LRRN2: variants seen among roughly 807,000 people sequenced by gnomAD.
The protein encoded by LRRN2 is leucine-rich repeat neuronal protein 2.
LRRN2 carries 10 observed loss-of-function variants against 35.7 expected under a neutral mutation model. That is an observed-to-expected ratio of 0.28 (90% CI 0.17 to 0.47). LRRN2 has a LOEUF of 0.47. Among genes scored for constraint, LRRN2 ranks in the 20% least tolerant of loss-of-function variants. The pLI, the probability that LRRN2 is intolerant of heterozygous loss-of-function variation, is 0.99. For synonymous variants in LRRN2, 391 were observed against 409.6 expected, an observed-to-expected ratio of 0.95 and a Z score of 0.55; for missense variants, 731 against 940.3, an observed-to-expected ratio of 0.78 and a Z score of 2.91.
At chr1:204,626,464 G>A (rs61817485) in intron 1 of LRRN2, among the ~76,000 whole-genome samples, 46,749 of 151,464 alleles carry the variant, frequency 0.31, 7,979 homozygotes, top group East Asian at 0.55. Flanking sequence ...TGTGCCTGCC[G>A]TGCCCTTTCC....
In LRRN2 at chr1:204,618,943, C is replaced by G; in HGVS notation, c.1050G>C (p.Leu350Phe). 1 of 1,614,124 alleles carries G rather than the reference C, an allele frequency of 6.2e-7. No individual in the cohort carries two copies. Among genetic ancestry groups the G allele is most frequent in the Non-Finnish European group, 8.5e-7 (1 of 1,179,988 alleles). ...GCAGGGACTCCACCGTCTGCTGGTG[C>G]AAGGCACTGAGAGCGTTGTTGTTGA... ...LMLNNNALSA[L>F]HQQTVESLPN... Residue 350 changes from leucine (L) to phenylalanine (F), a missense_variant, in exon 2 of 2, where the codon TTG becomes TTC. By Grantham distance (22) the Leu-to-Phe change is conservative. Coordinates refer to ENST00000367177, the MANE Select transcript of LRRN2 (RefSeq NM_201630.2).
rs141369408 is a variant in LRRN2, at chr1:204,618,398, C to T, written c.1595G>A (p.Arg532Gln). ...GTGATAGGGGTGGGTCTCCTGCACC[C>T]GGAGCTCCAGCCCCTGTCCTTCGTC... ...GRDEGQGLEL[R>Q]VQETHPYHIL... is the part of the protein sequence containing the mutation. The change falls in exon 2 of 2, where the codon CGG becomes CAG. Residue 532 changes from arginine (R) to glutamine (Q), a missense_variant. Physicochemically the swap from Arg to Gln is conservative, Grantham distance 43 (BLOSUM62 1). Transcript: ENST00000367177. 231 of 1,612,396 alleles carry T rather than the reference C, an allele frequency of 1.4e-4. No individual in the cohort carries two copies. Among genetic ancestry groups the T allele is most frequent in the East Asian group, 2.0e-4 (9 of 44,854 alleles).
intron 1 of LRRN2, among the ~76,000 whole-genome samples, chr1:204,668,040 C>T (rs184171106): frequency 6.6e-6 from 1 of 152,160 alleles, no homozygotes; most frequent in Non-Finnish European, 1.5e-5. Flanking sequence ...CACTCCTGTT[C>T]CAGAGTACTC....
chr1:204,683,569 T>C (rs1668999950), intron 1 of LRRN2, among the ~76,000 whole-genome samples: 1 of 151,962 alleles, frequency 6.6e-6, no homozygotes, highest in Non-Finnish European at 1.5e-5. Flanking sequence ...TGGATGGAAT[T>C]AGCAGATCTC....
chr1:204,662,465 C>T (rs905390267), intron 1 of LRRN2, among the ~76,000 whole-genome samples: 2 of 152,182 alleles, frequency 1.3e-5, no homozygotes, highest in African/African-American at 4.8e-5. Context: ...CCAACTTGTC[C>T]AAGGCCACAA....
In LRRN2 at chr1:204,618,217, C is replaced by G; in HGVS notation, c.1776G>C (p.Glu592Asp). The change falls in exon 2 of 2, where the codon GAG becomes GAC. Residue 592 changes from glutamate to aspartate, a missense_variant. Physicochemically the swap from Glu to Asp is conservative, Grantham distance 45 (BLOSUM62 2). Coordinates refer to ENST00000367177, the MANE Select transcript of LRRN2 (RefSeq NM_201630.2). ...YNITRLLQAT[E>D]YWACLQVAFA... ...AGGCCACTTGCAGGCAGGCCCAGTACTCCGTGGCCTGAAGGAGGCGGGTAA... is the reference window on the plus strand; with the variant it reads ...AGGCCACTTGCAGGCAGGCCCAGTAGTCCGTGGCCTGAAGGAGGCGGGTAA... 6.2e-7 allele frequency: 1 copy of G among 1,614,064 alleles called. No individual in the cohort carries two copies. The highest frequency in any genetic ancestry group is 8.5e-7 in the Non-Finnish European group (1 of 1,179,980).
At chr1:204,627,167 CCTT>C (rs1272364403) in intron 1 of LRRN2, 1 of 152,196 alleles carries the variant, frequency 6.6e-6, no homozygotes, top group Non-Finnish European at 1.5e-5. Flanking sequence ...CTCATCCCAT[CCTT>C]CTGTGAGGGA....
At chr1:204,630,123 C>T (rs1001512881) in intron 1 of LRRN2, among the ~76,000 whole-genome samples, 1 of 152,200 alleles carries the variant, frequency 6.6e-6, no homozygotes, top group Non-Finnish European at 1.5e-5. Flanking sequence ...ACATCAAATA[C>T]AATGCTCATC....
chr1:204,631,001 A>G (rs145240227), intron 1 of LRRN2, among the ~76,000 whole-genome samples: 50 of 151,676 alleles, frequency 3.3e-4, no homozygotes, highest in Middle Eastern at 3.4e-3. Context: ...CGGTTCTCAT[A>G]CTGTAGTCCC....
chr1:204,667,093 T>C (rs1386116680), intron 1 of LRRN2, among the ~76,000 whole-genome samples: 1 of 151,006 alleles, frequency 6.6e-6, no homozygotes, highest in Non-Finnish European at 1.5e-5. Flanking sequence ...GAGTGCGAGA[T>C]GGGGTAGCGT....
At chr1:204,678,083 G>A (rs573921952) in intron 1 of LRRN2, among the ~76,000 whole-genome samples, 1 of 152,260 alleles carries the variant, frequency 6.6e-6, no homozygotes, top group Admixed American at 6.5e-5. Flanking sequence ...GCGCCCCCCT[G>A]AGGAAGCGTT....
At position 204,618,448 on chromosome 1, in the gene LRRN2, G is replaced by A. The variant is rs1558391231; in HGVS notation, c.1545C>T (p.Gly515=). The A allele has an allele frequency of 1.2e-6, 2 of 1,614,186 alleles. No individual in the cohort carries two copies. The highest frequency in any genetic ancestry group is 8.5e-7 in the Non-Finnish European group (1 of 1,180,006). The part of the protein sequence containing the change: ...ADTKTVSVVV[G]RALLQPGRDE... Reference sequence around the variant, plus strand: ...CCCTGCCTGGCTGGAGGAGAGCACGGCCCACAACCACACTAACCGTCTTAG... The same window carrying A: ...CCCTGCCTGGCTGGAGGAGAGCACGACCCACAACCACACTAACCGTCTTAG... Residue 515 remains glycine (G), a synonymous_variant, in exon 2 of 2, where the codon GGC becomes GGT. Coordinates refer to ENST00000367177, the MANE Select transcript of LRRN2 (RefSeq NM_201630.2).
chr1:204,620,174 G>T lies in LRRN2; in HGVS notation c.-182C>A. The T allele has an allele frequency of 6.9e-7, 1 of 1,448,774 alleles. No individual in the cohort carries two copies. The allele number at this position is 1,448,774 out of a possible 1,614,324, so 89.7% of individuals were successfully genotyped here. A position where few individuals can be genotyped will look rare whatever the true frequency, so the allele number is the denominator to read the frequency against. ...TATGCCTTCTCTTCCTTGTCCTCTG[G>T]GGCTGGGCCTGCTCAGTCATTGCCA... On this transcript the variant is annotated 5_prime_UTR_variant, in exon 2 of 2. Coordinates refer to ENST00000367177, the MANE Select transcript of LRRN2 (RefSeq NM_201630.2).
At chr1:204,671,000 A>C (rs114806909) in intron 1 of LRRN2, among the ~76,000 whole-genome samples, 13 of 152,266 alleles carry the variant, frequency 8.5e-5, no homozygotes, top group African/African-American at 3.1e-4. Flanking sequence ...TGAAGACATG[A>C]GAAACTTGAG....
intron 1 of LRRN2, among the ~76,000 whole-genome samples, chr1:204,684,501 C>G (rs1162167524): frequency 6.6e-6 from 1 of 152,202 alleles, no homozygotes; most frequent in Admixed American, 6.5e-5. Flanking sequence ...CTTCTCCGCT[C>G]GGCCCCAGAT....
intron 1 of LRRN2, among the ~76,000 whole-genome samples, chr1:204,678,709 C>A (rs973695506): frequency 6.6e-6 from 1 of 152,098 alleles, no homozygotes; most frequent in African/African-American, 2.4e-5. Flanking sequence ...CAGCTTGCCC[C>A]GACTGTGGTG....
Position 204,618,273 on chromosome 1 carries a change from G to A in LRRN2, c.1720C>T (p.Arg574Cys), listed in dbSNP as rs778876933. Residue 574 changes from arginine to cysteine, a missense_variant, in exon 2 of 2, where the codon CGC (arginine) becomes TGC (cysteine). Physicochemically the swap from Arg to Cys is radical, Grantham distance 180. Coordinates refer to ENST00000367177, the MANE Select transcript of LRRN2 (RefSeq NM_201630.2). ...LRGQGATALARLPRGTHSYNI... is the reference protein window; with the variant it reads ...LRGQGATALACLPRGTHSYNI... ...TAGCTGTGGGTTCCCCGAGGCAGGC[G>A]GGCCAGAGCTGTGGCCCCCTGGCCC... 3.7e-6 allele frequency: 6 copies of A among 1,607,330 alleles called. No homozygotes were observed. The highest frequency in any genetic ancestry group is 3.3e-5 in the South Asian group (3 of 89,976).
intron 1 of LRRN2, among the ~76,000 whole-genome samples, chr1:204,667,426 A>G (rs900286067): frequency 1.3e-5 from 2 of 152,194 alleles, no homozygotes; most frequent in African/African-American, 4.8e-5. Flanking sequence ...CATACATCAT[A>G]TGGTTATTCT....
rs149954759 is a variant in LRRN2, at chr1:204,662,703, A to T, written c.-227+22617T>A. ...CTTCAGGTAAAGAACAACTTGTCCAAGGTCAAATAGCTGATAAGTATCTGG... is the reference window on the plus strand; with the variant it reads ...CTTCAGGTAAAGAACAACTTGTCCATGGTCAAATAGCTGATAAGTATCTGG... On this transcript the variant is annotated intron_variant, in intron 1 of 1. Coordinates refer to ENST00000367177, the MANE Select transcript of LRRN2 (RefSeq NM_201630.2). 9.8e-5 allele frequency among the ~76,000 whole-genome samples: 15 copies of T among 152,362 alleles called. No individual in the cohort carries two copies. The East Asian group carries it at 2.9e-3, about 29-fold the overall frequency.
Sources: gnomAD v4.1 joint callset for allele counts (sites outside exome capture counted in the v4.1 genomes callset) on GRCh38, gnomAD v4.1.1 for gene constraint, MANE v1.5 for transcripts, NCBI Gene and HGNC (gene_info 2026-07-23, HGNC 2026-07-21) for gene names.